PCSK2: variants seen among roughly 807,000 people sequenced by gnomAD.
PCSK2 encodes the protein proprotein convertase subtilisin/kexin type 2.
A neutral mutation model predicts 69.7 loss-of-function variants in PCSK2; 14 were observed. The ratio of observed to expected loss-of-function variants is 0.20; its 90% CI spans 0.13 to 0.31. The LOEUF (loss-of-function observed/expected upper bound fraction) is 0.31, where lower values mean the gene tolerates loss of function less well. PCSK2 is among the 10% of genes least tolerant of loss of function. The pLI is 1.00. For missense variants in PCSK2, 544 were observed against 842.5 expected (o/e 0.65, Z 4.39); for synonymous variants, 307 against 320.7 (o/e 0.96, Z 0.46).
At chr20:17,252,978 G>C (rs957286923) in intron 1 of PCSK2, among the ~76,000 whole-genome samples, 4 of 152,152 alleles carry the variant, frequency 2.6e-5, no homozygotes, top group African/African-American at 9.7e-5. Flanking sequence ...GTGTTACTTA[G>C]AGAATGGGAA....
chr20:17,325,050 C>T (rs1183323972), intron 2 of PCSK2, among the ~76,000 whole-genome samples: 2 of 152,146 alleles, frequency 1.3e-5, no homozygotes, highest in Non-Finnish European at 2.9e-5. Context: ...CAGCCTTCCT[C>T]GTGGAAGATT....
rs928254710 is a variant in PCSK2 at position 17,339,560 on chromosome 20, A to G, written c.283-18767A>G. On this transcript the variant is annotated intron_variant, in intron 2 of 11. Coordinates refer to ENST00000262545, the MANE Select transcript of PCSK2 (RefSeq NM_002594.5). ...TCTGGAATTTTGTCTCTATCACTGC[A>G]ATTTAAATATTCCCTGGAATATGGC... Among the ~76,000 whole-genome samples, 7 of 152,090 alleles carry G rather than the reference A, an allele frequency of 4.6e-5. No individual in the cohort carries two copies. The South Asian group carries it at 1.2e-3, about 27-fold the overall frequency.
intron 5 of PCSK2, among the ~76,000 whole-genome samples, chr20:17,405,182 C>G (rs2031725951): frequency 6.6e-6 from 1 of 152,276 alleles, no homozygotes; most frequent in South Asian, 2.1e-4. Flanking sequence ...ACTACAGTTT[C>G]TAAAAAATAG....
chr20:17,455,514 G>A (rs756689893), intron 9 of PCSK2, among the ~76,000 whole-genome samples: 15 of 152,182 alleles, frequency 9.9e-5, no homozygotes, highest in Admixed American at 6.5e-4. Flanking sequence ...GTGGATTTTA[G>A]ATGTAGAGAA....
At chr20:17,354,249 C>T (rs1282633968) in intron 2 of PCSK2, among the ~76,000 whole-genome samples, 2 of 152,068 alleles carry the variant, frequency 1.3e-5, no homozygotes, top group Non-Finnish European at 2.9e-5. Flanking sequence ...TTTGTACAAA[C>T]GTGTAAGCCA....
intron 2 of PCSK2, among the ~76,000 whole-genome samples, chr20:17,336,172 T>C (rs934902688): frequency 1.3e-5 from 2 of 152,208 alleles, no homozygotes; most frequent in African/African-American, 4.8e-5. Context: ...CATTGTAAAG[T>C]ATTTTGCATT....
At chr20:17,391,924 G>GGAAGGAAGGAAGGAAGGAAGGAA (rs1216361609) in intron 5 of PCSK2, among the ~76,000 whole-genome samples, 1 of 142,420 alleles carries the variant, frequency 7.0e-6, no homozygotes, top group Non-Finnish European at 1.5e-5. Context: ...AAGGAAGGAA[G>GGAAGGAAGGAAGGAAGGAAGGAA]GAAGGAAGGA....
At chr20:17,359,121 G>A (rs1470396408) in intron 3 of PCSK2, among the ~76,000 whole-genome samples, 1 of 152,190 alleles carries the variant, frequency 6.6e-6, no homozygotes, top group Non-Finnish European at 1.5e-5. Context: ...GAAAGGGAGT[G>A]ACTAATTTGT....
At chr20:17,324,045 C>A (rs895558034) in intron 2 of PCSK2, among the ~76,000 whole-genome samples, 1 of 152,218 alleles carries the variant, frequency 6.6e-6, no homozygotes, top group Non-Finnish European at 1.5e-5. Flanking sequence ...TCCTCCCTCA[C>A]GTGGGATGAC....
chr20:17,328,217 T>G (rs1164295269), intron 2 of PCSK2, among the ~76,000 whole-genome samples: 1 of 152,108 alleles, frequency 6.6e-6, no homozygotes, highest in Non-Finnish European at 1.5e-5. Context: ...ATATTGCTTT[T>G]TTTCTCTGAC....
chr20:17,399,163 G>A (rs538740874), intron 5 of PCSK2, among the ~76,000 whole-genome samples: 2 of 152,308 alleles, frequency 1.3e-5, no homozygotes, highest in East Asian at 3.9e-4. Flanking sequence ...GGCAGGATGG[G>A]TATTTTAAGA....
rs1288934496 is a variant in PCSK2 at position 17,409,408 on chromosome 20, A to G, written c.620+69A>G. On this transcript the variant is annotated intron_variant, in intron 6 of 11. Transcript: ENST00000262545. Reference sequence around the variant, plus strand: ...GTTTTATTCTACTTTGTTTTGTTTCAGGCTTGACTACCACCAGCAAAATAA... The same window carrying G: ...GTTTTATTCTACTTTGTTTTGTTTCGGGCTTGACTACCACCAGCAAAATAA... 4.8e-6 allele frequency: 5 copies of G among 1,034,914 alleles called. No individual in the cohort carries two copies. In the African/African-American group the frequency reaches 6.3e-5, roughly 13 times the overall value. 64.1% of individuals were successfully genotyped at this position (1,034,914 alleles called of 1,614,324 possible).
chr20:17,335,699 T>C (rs1990330125), intron 2 of PCSK2, among the ~76,000 whole-genome samples: 1 of 151,966 alleles, frequency 6.6e-6, no homozygotes, highest in African/African-American at 2.4e-5. Flanking sequence ...TGTATGCCTT[T>C]GTGTCCTCAT....
intron 6 of PCSK2, among the ~76,000 whole-genome samples, chr20:17,411,674 C>A (rs2031876820): frequency 6.6e-6 from 1 of 152,256 alleles, no homozygotes; most frequent in African/African-American, 2.4e-5. Flanking sequence ...GTTCTCCCAG[C>A]ATGGCATTTG....
chr20:17,372,431 A>AT (rs2030798585), intron 5 of PCSK2, among the ~76,000 whole-genome samples: 1 of 150,564 alleles, frequency 6.6e-6, no homozygotes, highest in Non-Finnish European at 1.5e-5. Context: ...AAATAAATAA[A>AT]AATAAAAGAT....
At chr20:17,303,496 A>C (rs1247310581) in intron 2 of PCSK2, among the ~76,000 whole-genome samples, 1 of 33,850 alleles carries the variant, frequency 3.0e-5, no homozygotes, top group Non-Finnish European at 5.4e-5. Context: ...ATTATATTTA[A>C]TATAATATAT....
chr20:17,479,737 C>T (rs1310945743), intron 11 of PCSK2, among the ~76,000 whole-genome samples: 2 of 141,128 alleles, frequency 1.4e-5, no homozygotes, highest in African/African-American at 5.2e-5. Context: ...GCGGAGCTTG[C>T]AGTGAGCCGA....
At chr20:17,336,679 A>G (rs768358022) in intron 2 of PCSK2, among the ~76,000 whole-genome samples, 17 of 152,218 alleles carry the variant, frequency 1.1e-4, no homozygotes, top group Non-Finnish European at 2.2e-4. Flanking sequence ...AAAACTACAC[A>G]TCATTGTTCA....
intron 2 of PCSK2, among the ~76,000 whole-genome samples, chr20:17,284,612 G>A (rs766247490): frequency 1.3e-5 from 2 of 152,224 alleles, no homozygotes; most frequent in Non-Finnish European, 2.9e-5. Context: ...GAGCCTAGCA[G>A]AAGAGGTTGG....
Sources: gnomAD v4.1 joint callset for allele counts (sites outside exome capture counted in the v4.1 genomes callset) on GRCh38, gnomAD v4.1.1 for gene constraint, MANE v1.5 for transcripts, NCBI Gene and HGNC (gene_info 2026-07-23, HGNC 2026-07-21) for gene names.